Variants in SLC9B1 observed in about 807,000 individuals in gnomAD.
SLC9B1 encodes the protein solute carrier family 9 member B1.
Under a neutral mutation model 51.7 loss-of-function variants are expected in SLC9B1, and 32 were observed. The ratio of observed to expected loss-of-function variants is 0.62; its 90% CI spans 0.47 to 0.83. The LOEUF is 0.83. Among genes scored for constraint, SLC9B1 ranks in the 40% least tolerant of loss-of-function variants. SLC9B1 has a pLI of 0.00. For synonymous variants in SLC9B1, 145 were observed against 212.7 expected, an observed-to-expected ratio of 0.68 and a Z score of 2.77; for missense variants, 406 against 613.2, an observed-to-expected ratio of 0.66 and a Z score of 3.57.
intron 3 of SLC9B1, among the ~76,000 whole-genome samples, chr4:102,961,261 A>T (rs1399735616): frequency 6.6e-6 from 1 of 152,288 alleles, no homozygotes; most frequent in Non-Finnish European, 1.5e-5. Flanking sequence ...TGATGCAAAG[A>T]TAATTTTATG....
intron 11 of SLC9B1, among the ~76,000 whole-genome samples, chr4:102,901,718 C>T (rs1734803195): frequency 6.6e-6 from 1 of 152,152 alleles, no homozygotes; most frequent in Admixed American, 6.5e-5. Flanking sequence ...ACATAAAATA[C>T]TAAGGTTTCT....
rs150527369 is a variant in SLC9B1 at position 103,013,892 on chromosome 4, C to T, written c.-2+5707G>A. ...CAGATAAATTGTCACTAGTCCAGTC[C>T]AGGCCATAAGCATTTCCCCACCTAA... is the stretch of plus-strand genomic sequence containing the variant. On this transcript the variant is annotated intron_variant, in intron 1 of 11. Transcript: ENST00000296422. Among the ~76,000 whole-genome samples, 490 of 152,280 alleles carry T rather than the reference C, an allele frequency of 3.2e-3. 5 individuals carry two copies. The highest frequency in any genetic ancestry group is 0.017 in the Middle Eastern group (5 of 294).
chr4:102,901,700 A>G (rs1734802419), intron 11 of SLC9B1, among the ~76,000 whole-genome samples: 1 of 152,196 alleles, frequency 6.6e-6, no homozygotes, highest in African/African-American at 2.4e-5. Flanking sequence ...CTTGACTACA[A>G]CAAGACAACA....
chr4:102,962,319 G>C (rs1222917687), intron 3 of SLC9B1: 1 of 539,350 alleles, frequency 1.9e-6, no homozygotes, highest in Non-Finnish European at 3.8e-6. Context: ...TGGTCAATAT[G>C]ACTGGAATCA....
rs1265601096 is a variant in SLC9B1 at position 102,925,899 on chromosome 4, C to T, written c.829+6225G>A. Among the ~76,000 whole-genome samples, 61 of 152,158 alleles carry T rather than the reference C, an allele frequency of 4.0e-4. 1 individual carries two copies. The highest frequency in any genetic ancestry group is 6.5e-4 in the Non-Finnish European group (44 of 67,984). On this transcript the variant is annotated intron_variant, in intron 7 of 11. Transcript: ENST00000296422. ...AGCACATCAAAAAGCTTATCCACCA[C>T]GATCAAGTCGGCTTCATCTCTGGGA...
chr4:102,922,822 C>G (rs1459507785), intron 7 of SLC9B1, among the ~76,000 whole-genome samples: 1 of 152,134 alleles, frequency 6.6e-6, no homozygotes, highest in East Asian at 1.9e-4. Context: ...TGGATAAATT[C>G]TGGGACACAT....
At chr4:103,006,302 T>C (rs548584662) in intron 1 of SLC9B1, among the ~76,000 whole-genome samples, 5 of 151,566 alleles carry the variant, frequency 3.3e-5, no homozygotes, top group African/African-American at 7.3e-5. Context: ...ATAAACACAA[T>C]TGGAAATGAC....
At chr4:102,927,128 A>T (rs1246248200) in intron 7 of SLC9B1, among the ~76,000 whole-genome samples, 6 of 152,200 alleles carry the variant, frequency 3.9e-5, no homozygotes, top group Non-Finnish European at 7.4e-5. Flanking sequence ...TAAATGTTAG[A>T]CCTAAAACCA....
At chr4:102,957,458 T>C (rs1317023747) in intron 3 of SLC9B1, among the ~76,000 whole-genome samples, 3 of 152,038 alleles carry the variant, frequency 2.0e-5, no homozygotes, top group East Asian at 3.9e-4. Flanking sequence ...AGGGGAACAA[T>C]AATATGATCA....
intron 7 of SLC9B1, among the ~76,000 whole-genome samples, chr4:102,922,039 C>T (rs1320042018): frequency 6.6e-6 from 1 of 152,196 alleles, no homozygotes. Flanking sequence ...AGGACCTGAA[C>T]TCAGCTCTGC....
chr4:102,942,207 T>A (rs1363638263), intron 6 of SLC9B1, among the ~76,000 whole-genome samples: 1 of 152,080 alleles, frequency 6.6e-6, no homozygotes, highest in Non-Finnish European at 1.5e-5. Context: ...AAATCATAGA[T>A]GACACAAACA....
intron 7 of SLC9B1, among the ~76,000 whole-genome samples, chr4:102,921,588 A>C (rs1350649574): frequency 6.6e-6 from 1 of 152,252 alleles, no homozygotes; most frequent in Non-Finnish European, 1.5e-5. Flanking sequence ...AATGGGCTAA[A>C]TGCCCCAATT....
intron 1 of SLC9B1, among the ~76,000 whole-genome samples, chr4:102,996,965 T>A (rs556318481): frequency 9.0e-4 from 136 of 151,420 alleles, no homozygotes; most frequent in Middle Eastern, 3.4e-3. Context: ...TTTTTTTTTT[T>A]AAATTTTTAG....
exon 12 of SLC9B1, chr4:102,885,267 G>A (rs1305169559): frequency 6.2e-7 from 1 of 1,614,090 alleles, no homozygotes. Context: ...GCACTTCTTG[G>A]CTACCTTGCA....
chr4:103,000,607 T>A (rs1740467714), intron 1 of SLC9B1, among the ~76,000 whole-genome samples: 1 of 152,156 alleles, frequency 6.6e-6, no homozygotes, highest in Admixed American at 6.5e-5. Flanking sequence ...AAGTCTAAAA[T>A]CCAGTGGGGG....
intron 1 of SLC9B1, among the ~76,000 whole-genome samples, chr4:103,002,373 T>C (rs965525255): frequency 1.3e-5 from 2 of 152,354 alleles, no homozygotes; most frequent in East Asian, 3.9e-4. Flanking sequence ...AAACTGCTTA[T>C]AATGTGACAA....
At chr4:103,008,072 T>G (rs1013026330) in intron 1 of SLC9B1, among the ~76,000 whole-genome samples, 5 of 152,214 alleles carry the variant, frequency 3.3e-5, no homozygotes, top group African/African-American at 1.2e-4. Flanking sequence ...TTTAAAAAAT[T>G]TTTATGCTTT....
intron 1 of SLC9B1, among the ~76,000 whole-genome samples, chr4:103,013,617 T>C (rs1269165831): frequency 6.6e-6 from 1 of 152,214 alleles, no homozygotes; most frequent in Non-Finnish European, 1.5e-5. Context: ...TTATTGAATA[T>C]CTCTACTTGT....
chr4:103,012,106 A>G (rs1434655711), intron 1 of SLC9B1, among the ~76,000 whole-genome samples: 2 of 152,176 alleles, frequency 1.3e-5, no homozygotes, highest in African/African-American at 2.4e-5. Context: ...TTGATTATAA[A>G]TTCCATCTTG....
Sources: gnomAD v4.1 joint callset for allele counts (sites outside exome capture counted in the v4.1 genomes callset) on GRCh38, gnomAD v4.1.1 for gene constraint, MANE v1.5 for transcripts, NCBI Gene and HGNC (gene_info 2026-07-23, HGNC 2026-07-21) for gene names.